Variants in LMAN2L observed in about 807,000 individuals in gnomAD.
LMAN2L encodes the protein VIP36-like protein.
In LMAN2L, 30 loss-of-function variants were observed where a neutral mutation model predicts 44.3. That is an observed-to-expected ratio of 0.68 (90% CI 0.51 to 0.92). The LOEUF is 0.92. Among genes scored for constraint, LMAN2L ranks in the 40% least tolerant of loss-of-function variants. LMAN2L has a pLI of 0.00. For synonymous variants in LMAN2L, 183 were observed against 171.1 expected (o/e 1.07, Z -0.54); for missense variants, 429 against 446.1 (o/e 0.96, Z 0.35).
In LMAN2L at chr2:96,707,351, C is replaced by G; in HGVS notation, c.952G>C (p.Val318Leu). 4 of 1,613,654 alleles carry G rather than the reference C, an allele frequency of 2.5e-6. No homozygotes were observed. The highest frequency in any genetic ancestry group is 1.7e-6 in the Non-Finnish European group (2 of 1,179,800). ...ACAGAAAACACCAGGGAGAAAAAGA[C>G]GATGAGGAAGAGGGCCAGGCCACTC... ...PLSGLALFLI[V>L]FFSLVFSVFA... The change falls in exon 8 of 8, where the codon GTC (valine) becomes CTC (leucine). Residue 318 changes from valine (V) to leucine (L), a missense_variant. Physicochemically the swap from Val to Leu is conservative, Grantham distance 32. Transcript: ENST00000264963.
chr2:96,738,102 A>G, intron 1 of LMAN2L, 35 bp from the exon 2 acceptor site: 1 of 1,439,940 alleles, frequency 6.9e-7, no homozygotes, highest in Non-Finnish European at 9.8e-7. Context: ...CATACTTTTC[A>G]ACACCAATCC....
chr2:96,737,331 C>A (rs2078536933), intron 2 of LMAN2L: 2 of 359,838 alleles, frequency 5.6e-6, no homozygotes, highest in African/African-American at 4.4e-5. Flanking sequence ...GATGGGGATG[C>A]TGGGATAAGG....
At chr2:96,733,454 A>G (rs2078447970) in intron 4 of LMAN2L, 65 bp downstream of exon 4, 1 of 1,229,042 alleles carries the variant, frequency 8.1e-7, no homozygotes, top group Non-Finnish European at 1.2e-6. Flanking sequence ...CTCCTGTACA[A>G]CATTCCTGAG....
chr2:96,730,142 G>C (rs1430515128), intron 4 of LMAN2L, among the ~76,000 whole-genome samples: 1 of 151,950 alleles, frequency 6.6e-6, no homozygotes, highest in Non-Finnish European at 1.5e-5. Context: ...TCTCAAACCA[G>C]AATTACTACT....
In LMAN2L at chr2:96,712,678, A is replaced by C. The variant is rs1287495672; in HGVS notation, c.508-653T>G. Among the ~76,000 whole-genome samples the C allele has an allele frequency of 2.0e-5, 3 of 152,316 alleles. No homozygotes were observed. The East Asian group carries it at 5.8e-4, about 29-fold the overall frequency. Reference sequence around the variant, plus strand: ...GTCAAAAGACTTTCCAGCCCACTTAAGCCTCCTCCACACGTAACTTCTCCG... The same window carrying C: ...GTCAAAAGACTTTCCAGCCCACTTACGCCTCCTCCACACGTAACTTCTCCG... On this transcript the variant is annotated intron_variant, in intron 4 of 7. Coordinates refer to ENST00000264963, the MANE Select transcript of LMAN2L (RefSeq NM_030805.4).
At chr2:96,717,734 G>C (rs1224683596) in intron 4 of LMAN2L, among the ~76,000 whole-genome samples, 1 of 151,348 alleles carries the variant, frequency 6.6e-6, no homozygotes, top group Admixed American at 6.6e-5. Context: ...AGCTACTCAG[G>C]AGGCTGAGGC....
At chr2:96,712,952 C>T (rs1038906367) in intron 4 of LMAN2L, among the ~76,000 whole-genome samples, 2 of 152,184 alleles carry the variant, frequency 1.3e-5, no homozygotes, top group African/African-American at 2.4e-5. Context: ...GAGTATTTGT[C>T]CCTTTGTCCC....
chr2:96,721,411 C>T (rs567444654), intron 4 of LMAN2L, among the ~76,000 whole-genome samples: 23 of 144,540 alleles, frequency 1.6e-4, no homozygotes, highest in Non-Finnish European at 3.0e-4. Context: ...AGGCTCATTG[C>T]AACCTCGAGG....
At chr2:96,722,125 G>A (rs1042812077) in intron 4 of LMAN2L, among the ~76,000 whole-genome samples, 5 of 151,866 alleles carry the variant, frequency 3.3e-5, no homozygotes, top group Non-Finnish European at 5.9e-5. Context: ...CCGCCACCAC[G>A]CCCGGCTAAT....
At position 96,726,157 on chromosome 2, in the gene LMAN2L, A is replaced by G. The variant is rs535108602; in HGVS notation, c.507+7362T>C. ...AAAAAAGAAAAAAAAAAAGAAATAAACCTTTTTAATAATATTTTATAATAT... is the reference window on the plus strand; with the variant it reads ...AAAAAAGAAAAAAAAAAAGAAATAAGCCTTTTTAATAATATTTTATAATAT... On this transcript the variant is annotated intron_variant, in intron 4 of 7. Transcript: ENST00000264963. Among the ~76,000 whole-genome samples, 4 of 150,958 alleles carry G rather than the reference A, an allele frequency of 2.6e-5. No homozygotes were observed. In the South Asian group the frequency reaches 6.3e-4, roughly 24 times the overall value.
intron 3 of LMAN2L, 76 bp from the exon 4 acceptor site, chr2:96,733,677 GA>G (rs1467701174): frequency 1.7e-6 from 2 of 1,200,504 alleles, no homozygotes; most frequent in African/African-American, 3.0e-5. Flanking sequence ...CACTATGATG[GA>G]GGAAAAAGTA....
chr2:96,737,813 C>A, intron 2 of LMAN2L, 136 bp downstream of exon 2: 2 of 630,922 alleles, frequency 3.2e-6, no homozygotes, highest in Non-Finnish European at 2.9e-6. Context: ...TCAGAATAAT[C>A]TCAAAAATAA....
At chr2:96,727,171 C>T (rs2078289727) in intron 4 of LMAN2L, among the ~76,000 whole-genome samples, 1 of 151,754 alleles carries the variant, frequency 6.6e-6, no homozygotes, top group Non-Finnish European at 1.5e-5. Flanking sequence ...TCATAGATGC[C>T]CTTTATCAGG....
intron 4 of LMAN2L, among the ~76,000 whole-genome samples, chr2:96,721,251 G>T (rs1486333774): frequency 6.6e-6 from 1 of 151,676 alleles, no homozygotes; most frequent in East Asian, 1.9e-4. Context: ...TTTGTGACTG[G>T]CTTCTTCCAC....
intron 4 of LMAN2L, among the ~76,000 whole-genome samples, chr2:96,716,607 C>T (rs1230062044): frequency 6.6e-6 from 1 of 152,224 alleles, no homozygotes. Flanking sequence ...GTTTATTGAG[C>T]ACTTAGTCTG....
chr2:96,714,928 G>A (rs1310078610), intron 4 of LMAN2L, among the ~76,000 whole-genome samples: 1 of 151,970 alleles, frequency 6.6e-6, no homozygotes, highest in Non-Finnish European at 1.5e-5. Flanking sequence ...CTAGAGTGGG[G>A]TGCAGGATTG....
In LMAN2L at chr2:96,733,600, C is replaced by G; in HGVS notation, c.426G>C (p.Gly142=). 1 of 1,611,148 alleles carries G rather than the reference C, an allele frequency of 6.2e-7. No homozygotes were observed. The change falls in exon 4 of 8, where the codon GGG becomes GGC. Residue 142 remains glycine (G), a splice_region_variant and synonymous_variant. Coordinates refer to ENST00000264963, the MANE Select transcript of LMAN2L (RefSeq NM_030805.4). The part of the protein sequence containing the change: ...IWYTKDRMQP[G]PVFGNMDKFV... ...ATTTGTCCATGTTTCCAAACACAGG[C>G]CCTAGAGAGAGAGAACAGATGATGA...
intron 2 of LMAN2L, among the ~76,000 whole-genome samples, chr2:96,734,840 C>G (rs999479041): frequency 6.6e-6 from 1 of 152,130 alleles, no homozygotes; most frequent in Non-Finnish European, 1.5e-5. Context: ...GATCCTACAC[C>G]CACCCAGCAA....
At chr2:96,713,018 G>T in intron 4 of LMAN2L, 1 of 1,181,930 alleles carries the variant, frequency 8.5e-7, no homozygotes, top group Non-Finnish European at 1.2e-6. Context: ...GGGGACTCCT[G>T]AGACAACCAC....
Sources: allele counts gnomAD v4.1 joint callset (sites outside exome capture counted in the v4.1 genomes callset), GRCh38; gene constraint gnomAD v4.1.1; transcripts MANE v1.5; gene names NCBI Gene and HGNC (gene_info 2026-07-23, HGNC 2026-07-21).